The following RLN2 variants were observed in gnomAD, a reference collection of about 807,000 sequenced individuals.
RLN2 encodes the protein relaxin 2.
A neutral mutation model predicts 7.3 loss-of-function variants in RLN2; 10 were observed. That is an observed-to-expected ratio of 1.36 (90% CI 0.84 to 2.31). RLN2 has a LOEUF of 2.31. RLN2 is among the 30% of genes most tolerant of loss of function. The probability of loss-of-function intolerance (pLI) is 0.00; values close to 1 mark genes in which losing one functional copy is unlikely to be tolerated. For synonymous variants in RLN2, 103 were observed against 82.3 expected (o/e 1.25, Z -1.36); for missense variants, 298 against 217.6 (o/e 1.37, Z -2.32).
the RLN2 span, among the ~76,000 whole-genome samples, chr9:5,329,196 G>A: frequency 6.7e-6 from 1 of 150,054 alleles, no homozygotes; most frequent in African/African-American, 2.5e-5. Flanking sequence ...CCAGCTACTC[G>A]GGAGGCTGAG....
At chr9:5,336,236 G>A in the RLN2 span, among the ~76,000 whole-genome samples, 33 of 152,028 alleles carry the variant, frequency 2.2e-4, no homozygotes, top group Non-Finnish European at 4.6e-4. Flanking sequence ...ATATGAAAGA[G>A]AGAAGTGGGT....
At chr9:5,329,219 C>T in the RLN2 span, among the ~76,000 whole-genome samples, 11 of 144,418 alleles carry the variant, frequency 7.6e-5, no homozygotes, top group African/African-American at 1.3e-4. Context: ...AGGAGAATGG[C>T]GTGAACCCGG....
chr9:5,329,374 T>C, the RLN2 span, among the ~76,000 whole-genome samples: 1 of 137,240 alleles, frequency 7.3e-6, no homozygotes, highest in East Asian at 2.2e-4. Flanking sequence ...CCAGCTAACA[T>C]CATAATGATG....
At chr9:5,317,346 G>C in the RLN2 span, among the ~76,000 whole-genome samples, 6 of 151,360 alleles carry the variant, frequency 4.0e-5, no homozygotes, top group Non-Finnish European at 8.8e-5. Context: ...ACATACCCTG[G>C]GAGGCTGAAA....
the RLN2 span, among the ~76,000 whole-genome samples, chr9:5,334,197 G>A: frequency 6.6e-6 from 1 of 151,980 alleles, no homozygotes; most frequent in Non-Finnish European, 1.5e-5. Flanking sequence ...AAGAAATAAA[G>A]GGTATTCGAA....
the RLN2 span, among the ~76,000 whole-genome samples, chr9:5,312,680 T>A: frequency 6.6e-6 from 1 of 152,004 alleles, no homozygotes; most frequent in East Asian, 1.9e-4. Flanking sequence ...CATGATTGTT[T>A]ATGGAGAGTA....
At chr9:5,311,804 ATT>A in the RLN2 span, 10 of 549,202 alleles carry the variant, frequency 1.8e-5, no homozygotes, top group East Asian at 1.0e-4. Context: ...AAAATGCAGA[ATT>A]TTTTTTTTTA....
At chr9:5,328,134 A>C in the RLN2 span, among the ~76,000 whole-genome samples, 1 of 152,012 alleles carries the variant, frequency 6.6e-6, no homozygotes, top group Non-Finnish European at 1.5e-5. Context: ...AGCATGTTCT[A>C]ACCCATCCCA....
chr9:5,329,571 G>A, the RLN2 span, among the ~76,000 whole-genome samples: 2 of 97,806 alleles, frequency 2.0e-5, no homozygotes, highest in Non-Finnish European at 4.0e-5. Context: ...GATCTACCAA[G>A]GAAACGGAGA....
At chr9:5,335,015 A>AG in the RLN2 span, 1 of 389,502 alleles carries the variant, frequency 2.6e-6, no homozygotes, top group Admixed American at 4.1e-5. Context: ...AGCATTAAAA[A>AG]GAATCAACAC....
At chr9:5,316,858 G>A in the RLN2 span, among the ~76,000 whole-genome samples, 1 of 151,964 alleles carries the variant, frequency 6.6e-6, no homozygotes, top group Admixed American at 6.5e-5. Flanking sequence ...AGATCCTTGA[G>A]GAGTCACCAC....
upstream of RLN2, among the ~76,000 whole-genome samples, chr9:5,308,745 T>C (rs1441163197): frequency 6.6e-6 from 1 of 152,024 alleles, no homozygotes; most frequent in Non-Finnish European, 1.5e-5. Flanking sequence ...ACCACAAGTT[T>C]CCTCCCTCAC....
chr9:5,308,663 G>A (rs1816295657), upstream of RLN2, among the ~76,000 whole-genome samples: 1 of 151,952 alleles, frequency 6.6e-6, no homozygotes, highest in Non-Finnish European at 1.5e-5. Flanking sequence ...TGTTCTATAA[G>A]GCCTAAAATT....
the RLN2 span, among the ~76,000 whole-genome samples, chr9:5,326,223 C>T: frequency 2.0e-5 from 3 of 151,890 alleles, no homozygotes; most frequent in East Asian, 1.9e-4. Context: ...ACAAACATAC[C>T]ATTATTTTGT....
chr9:5,305,930 CT>C (rs946947042), upstream of RLN2, among the ~76,000 whole-genome samples: 1 of 151,818 alleles, frequency 6.6e-6, no homozygotes, highest in African/African-American at 2.4e-5. Context: ...GCAATCAATG[CT>C]TTTAAATGAG....
At chr9:5,335,097 C>T in the RLN2 span, 4 of 512,996 alleles carry the variant, frequency 7.8e-6, no homozygotes, top group East Asian at 3.1e-5. Flanking sequence ...TACAATCATA[C>T]AAAGAATATT....
At chr9:5,300,495 A>G (rs760294559) in intron 1 of RLN2, 51 bp from the exon 2 acceptor site, 2 of 1,240,910 alleles carry the variant, frequency 1.6e-6, no homozygotes, top group Non-Finnish European at 2.3e-6. Context: ...CATGTCAAAG[A>G]GCACTCAGAA....
chr9:5,318,257 G>A, the RLN2 span, among the ~76,000 whole-genome samples: 1 of 152,000 alleles, frequency 6.6e-6, no homozygotes, highest in Non-Finnish European at 1.5e-5. Context: ...CTCAGTGAGT[G>A]AAGTCAGGAT....
chr9:5,326,008 A>T, the RLN2 span, among the ~76,000 whole-genome samples: 2 of 152,038 alleles, frequency 1.3e-5, no homozygotes, highest in Non-Finnish European at 2.9e-5. Flanking sequence ...TTTTTAAATT[A>T]CCACAGTTAT....
Sources: allele counts gnomAD v4.1 joint callset (sites outside exome capture counted in the v4.1 genomes callset), GRCh38; gene constraint gnomAD v4.1.1; transcripts MANE v1.5; gene names NCBI Gene and HGNC (gene_info 2026-07-23, HGNC 2026-07-21).